The following RYR2 variants were observed in gnomAD, a reference collection of about 807,000 sequenced individuals.
The protein encoded by RYR2 is ryanodine receptor 2.
A neutral mutation model predicts 601.1 loss-of-function variants in RYR2; 227 were observed. The ratio of observed to expected loss-of-function variants is 0.38; its 90% CI spans 0.34 to 0.42. The LOEUF (loss-of-function observed/expected upper bound fraction) is 0.42, where lower values mean the gene tolerates loss of function less well. RYR2 is among the 10% of genes least tolerant of loss of function. RYR2 has a pLI of 1.00. For missense variants in RYR2, 4,646 were observed against 6,156.5 expected (o/e 0.75, Z 8.21); for synonymous variants, 2,223 against 2,175.1 (o/e 1.02, Z -0.61).
intron 14 of RYR2, among the ~76,000 whole-genome samples, chr1:237,452,132 A>G (rs541571413): frequency 8.1e-5 from 12 of 148,768 alleles, no homozygotes; most frequent in African/African-American, 3.0e-4. Context: ...TCTAATAGTA[A>G]TACTCATGAG....
At chr1:237,087,162 TC>T (rs1666432000) in intron 1 of RYR2, among the ~76,000 whole-genome samples, 1 of 152,188 alleles carries the variant, frequency 6.6e-6, no homozygotes, top group Non-Finnish European at 1.5e-5. Flanking sequence ...TTGCTGAATT[TC>T]TTTTCTTCCC....
At chr1:237,526,022 T>C (rs1202091992) in intron 24 of RYR2, among the ~76,000 whole-genome samples, 2 of 151,916 alleles carry the variant, frequency 1.3e-5, no homozygotes, top group Non-Finnish European at 1.5e-5. Context: ...TTCTTTTCCT[T>C]TGGGTAGGTA....
At chr1:237,447,760 T>G (rs1657551146) in intron 14 of RYR2, among the ~76,000 whole-genome samples, 1 of 146,340 alleles carries the variant, frequency 6.8e-6, no homozygotes, top group Non-Finnish European at 1.5e-5. Flanking sequence ...CTTTCTTTCT[T>G]TTCTTTCCGT....
chr1:237,631,897 T>A (rs1485425260), intron 42 of RYR2, among the ~76,000 whole-genome samples: 2 of 151,434 alleles, frequency 1.3e-5, no homozygotes, highest in African/African-American at 2.4e-5. Flanking sequence ...CCTCCCGAAG[T>A]GCTGGGATTA....
intron 28 of RYR2, among the ~76,000 whole-genome samples, chr1:237,567,350 G>A (rs1484703418): frequency 6.7e-6 from 1 of 149,900 alleles, no homozygotes; most frequent in African/African-American, 2.4e-5. Flanking sequence ...AGGCTGAGAT[G>A]GAGGGATCAC....
chr1:237,093,418 A>G (rs2148474619), intron 1 of RYR2, among the ~76,000 whole-genome samples: 1 of 152,316 alleles, frequency 6.6e-6, no homozygotes, highest in East Asian at 1.9e-4. Context: ...CTGCCCGGGC[A>G]GTCACCTGGG....
intron 76 of RYR2, among the ~76,000 whole-genome samples, chr1:237,728,493 T>G (rs1004030118): frequency 3.9e-5 from 6 of 152,136 alleles, no homozygotes; most frequent in Admixed American, 3.3e-4. Flanking sequence ...TGTATGTTTA[T>G]TGCAGCACTG....
intron 63 of RYR2, among the ~76,000 whole-genome samples, chr1:237,696,097 C>A (rs1294879878): frequency 6.6e-6 from 1 of 152,124 alleles, no homozygotes; most frequent in East Asian, 1.9e-4. Context: ...AACAAAAATC[C>A]CAGCCTGCCA....
chr1:237,416,122 A>G (rs1704956737), intron 10 of RYR2, among the ~76,000 whole-genome samples: 2 of 152,160 alleles, frequency 1.3e-5, no homozygotes, highest in Admixed American at 1.3e-4. Flanking sequence ...AGTCTATTGG[A>G]TTTGGTAACA....
intron 88 of RYR2, among the ~76,000 whole-genome samples, chr1:237,779,965 AT>A (rs1694966935): frequency 6.6e-6 from 1 of 152,236 alleles, no homozygotes; most frequent in East Asian, 1.9e-4. Context: ...CTAACTGGCA[AT>A]TGTCAAAGTT....
intron 68 of RYR2, among the ~76,000 whole-genome samples, chr1:237,707,655 C>T (rs898011373): frequency 6.6e-6 from 1 of 152,146 alleles, no homozygotes; most frequent in Non-Finnish European, 1.5e-5. Flanking sequence ...CTAATGTCTA[C>T]AATTATTGCA....
rs184268128 is a variant in RYR2 at position 237,423,931 on chromosome 1, A to G, written c.1005+683A>G. 2.2e-4 allele frequency among the ~76,000 whole-genome samples: 33 copies of G among 152,302 alleles called. 1 individual carries two copies. The highest frequency in any genetic ancestry group is 1.9e-3 in the East Asian group (10 of 5,182). On this transcript the variant is annotated intron_variant, in intron 12 of 104. Coordinates refer to ENST00000366574, the MANE Select transcript of RYR2 (RefSeq NM_001035.3). Reference sequence around the variant, plus strand: ...GCTGGGAAGGCCTCAGGAAACTTACAATCATGACAGAAGGGGAAGCAGGCA... The same window carrying G: ...GCTGGGAAGGCCTCAGGAAACTTACGATCATGACAGAAGGGGAAGCAGGCA...
chr1:237,071,579 G>A (rs1223516080), intron 1 of RYR2, among the ~76,000 whole-genome samples: 7 of 152,072 alleles, frequency 4.6e-5, no homozygotes, highest in East Asian at 1.9e-4. Context: ...ATGGGTCCAC[G>A]GTCGGCCATG....
intron 80 of RYR2, among the ~76,000 whole-genome samples, chr1:237,751,945 A>G (rs1484265717): frequency 1.3e-5 from 2 of 152,248 alleles, no homozygotes; most frequent in African/African-American, 2.4e-5. Context: ...GAACTGAAAG[A>G]CAAACTTTTA....
chr1:237,082,524 C>CATATATATATATATATATATAT lies in RYR2; in HGVS notation c.48+39967_48+39988dup, dbSNP rs71561856. Among the ~76,000 whole-genome samples, 236 of 79,922 alleles carry CATATATATATATATATATATAT rather than the reference C, an allele frequency of 3.0e-3. 8 individuals are homozygous for CATATATATATATATATATATAT. The highest frequency in any genetic ancestry group is 5.9e-3 in the East Asian group (16 of 2,726). The allele number at this position is 79,922 out of a possible 152,430, so 52.4% of individuals were successfully genotyped here. On this transcript the variant is annotated intron_variant, in intron 1 of 104. Coordinates refer to ENST00000366574, the MANE Select transcript of RYR2 (RefSeq NM_001035.3). ...TGTTATATTCTTTCAAATAGGAAAA[C>CATATATATATATATATATATAT]ATATATATATATATATATATATATA... is the stretch of plus-strand genomic sequence containing the variant.
chr1:237,120,649 C>T (rs528019926), intron 1 of RYR2, among the ~76,000 whole-genome samples: 3 of 152,268 alleles, frequency 2.0e-5, no homozygotes, highest in South Asian at 4.2e-4. Flanking sequence ...CAACAATAGT[C>T]GAACCTACCC....
intron 1 of RYR2, among the ~76,000 whole-genome samples, chr1:237,122,500 G>A (rs1244265314): frequency 2.0e-5 from 3 of 152,094 alleles, no homozygotes; most frequent in African/African-American, 7.2e-5. Flanking sequence ...TGGCCAACAT[G>A]GTGAAACCCC....
chr1:237,485,080 C>G (rs1321257683), intron 17 of RYR2, among the ~76,000 whole-genome samples: 2 of 152,172 alleles, frequency 1.3e-5, no homozygotes, highest in Non-Finnish European at 2.9e-5. Context: ...AATTTTTCCT[C>G]AAATTGAAAC....
At chr1:237,272,495 C>T (rs1003622262) in intron 2 of RYR2, among the ~76,000 whole-genome samples, 2 of 151,008 alleles carry the variant, frequency 1.3e-5, no homozygotes, top group Non-Finnish European at 2.9e-5. Flanking sequence ...TTTGTCTGGA[C>T]ATTTGATGTG....
Sources: gnomAD v4.1 joint callset for allele counts (sites outside exome capture counted in the v4.1 genomes callset) on GRCh38, gnomAD v4.1.1 for gene constraint, MANE v1.5 for transcripts, NCBI Gene and HGNC (gene_info 2026-07-23, HGNC 2026-07-21) for gene names.